The following SYT16 variants were observed in gnomAD, a reference collection of about 807,000 sequenced individuals.
The protein encoded by SYT16 is synaptotagmin-16.
Under a neutral mutation model 61.4 loss-of-function variants are expected in SYT16, and 42 were observed. The observed-to-expected ratio is 0.68, with a 90% CI of 0.53 to 0.89. The LOEUF (loss-of-function observed/expected upper bound fraction) is 0.89. Ranked by LOEUF, SYT16 falls within the 40% of genes least tolerant of loss-of-function variation. SYT16 has a pLI of 0.00. For synonymous variants in SYT16, 314 were observed against 302.3 expected, an observed-to-expected ratio of 1.04 and a Z score of -0.40; for missense variants, 804 against 807.3, an observed-to-expected ratio of 1.00 and a Z score of 0.05.
rs1312783903 is a variant in SYT16 at position 61,812,724 on chromosome 14, G to T, written c.-411G>T. ...CCCCGAGCGCACCGGGCCTGCCGAG[G>T]AGCGCGCGCCCGGCCGGGCTCGGCG... is the stretch of plus-strand genomic sequence containing the variant. On this transcript the variant is annotated 5_prime_UTR_variant, in exon 1 of 8. Transcript: ENST00000683842. 2.0e-5 allele frequency: 3 copies of T among 149,110 alleles called. No individual in the cohort carries two copies. Among genetic ancestry groups the T allele is most frequent in the African/African-American group, 7.3e-5 (3 of 41,110 alleles). 9.2% of individuals were successfully genotyped at this position (149,110 alleles called of 1,614,324 possible). A position where few individuals can be genotyped will look rare whatever the true frequency, so the allele number is the denominator to read the frequency against.
rs2056025768 is a variant in SYT16 at position 62,065,536 on chromosome 14, T to C, written c.524-4067T>C. Among the ~76,000 whole-genome samples, 9 of 152,218 alleles carry C rather than the reference T, an allele frequency of 5.9e-5. No individual in the cohort carries two copies. In the South Asian group the frequency reaches 1.7e-3, roughly 28 times the overall value. On this transcript the variant is annotated intron_variant, in intron 3 of 7. Coordinates refer to ENST00000683842, the MANE Select transcript of SYT16 (RefSeq NM_001367656.1). ...AATCAAGAACCATATACTAATAAATTAGTTGCAATTATTAATTTTATAGAT... is the reference window on the plus strand; with the variant it reads ...AATCAAGAACCATATACTAATAAATCAGTTGCAATTATTAATTTTATAGAT...
At chr14:61,912,031 A>T (rs1199693936) in intron 1 of SYT16, among the ~76,000 whole-genome samples, 1 of 152,208 alleles carries the variant, frequency 6.6e-6, no homozygotes, top group African/African-American at 2.4e-5. Flanking sequence ...GCTGGCAAAA[A>T]TTCAATTGCA....
chr14:62,043,381 A>T (rs531838103), intron 3 of SYT16, among the ~76,000 whole-genome samples: 1 of 150,820 alleles, frequency 6.6e-6, no homozygotes, highest in Non-Finnish European at 1.5e-5. Context: ...TTAAAAAATC[A>T]GGAATGGATG....
intron 3 of SYT16, among the ~76,000 whole-genome samples, chr14:62,001,484 T>C (rs1204466332): frequency 6.6e-6 from 1 of 152,136 alleles, no homozygotes; most frequent in Non-Finnish European, 1.5e-5. Flanking sequence ...TTCTTTCACT[T>C]GGAGCTTTGA....
chr14:61,952,487 G>A, intron 1 of SYT16, among the ~76,000 whole-genome samples: 1 of 152,216 alleles, frequency 6.6e-6, no homozygotes, highest in East Asian at 1.9e-4. Context: ...AGGAGAGCAA[G>A]TTTGCTGATA....
At chr14:61,886,932 T>A (rs1333343010) in intron 1 of SYT16, among the ~76,000 whole-genome samples, 1 of 143,442 alleles carries the variant, frequency 7.0e-6, no homozygotes, top group African/African-American at 2.6e-5. Context: ...GAGAACGGGG[T>A]CTTGCTATAT....
At chr14:62,038,070 G>C (rs2054578733) in intron 3 of SYT16, among the ~76,000 whole-genome samples, 1 of 151,938 alleles carries the variant, frequency 6.6e-6, no homozygotes, top group African/African-American at 2.4e-5. Context: ...TTCCTATCCT[G>C]CCTCCAGGCT....
chr14:61,891,605 G>A (rs2048133453), intron 1 of SYT16, among the ~76,000 whole-genome samples: 1 of 152,162 alleles, frequency 6.6e-6, no homozygotes, highest in South Asian at 2.1e-4. Flanking sequence ...GCAAAAGACA[G>A]AAACAAGGCA....
intron 1 of SYT16, among the ~76,000 whole-genome samples, chr14:61,959,313 CT>C (rs1440875294): frequency 2.6e-5 from 4 of 151,924 alleles, no homozygotes; most frequent in Admixed American, 2.6e-4. Flanking sequence ...TTTTCTGTCT[CT>C]TTTGTAGTTC....
chr14:61,815,703 T>C (rs1270210155), intron 1 of SYT16, among the ~76,000 whole-genome samples: 1 of 152,200 alleles, frequency 6.6e-6, no homozygotes, highest in Non-Finnish European at 1.5e-5. Context: ...CAGTAAGTTA[T>C]CATGAAATCG....
rs2045805614 is a variant in SYT16, at chr14:61,827,373, C to T, written c.-325+14563C>T. On this transcript the variant is annotated intron_variant, in intron 1 of 7. Coordinates refer to ENST00000683842, the MANE Select transcript of SYT16 (RefSeq NM_001367656.1). ...TGCAGAGTGAAGAAAGATGGTGAGA[C>T]TTAGTTTCTGGCTATATCCTTCTCA... Among the ~76,000 whole-genome samples, 5 of 152,210 alleles carry T rather than the reference C, an allele frequency of 3.3e-5. No individual in the cohort carries two copies. In the South Asian group the frequency reaches 1.0e-3, roughly 32 times the overall value.
At position 62,047,446 on chromosome 14, in the gene SYT16, C is replaced by T. The variant is rs953606109; in HGVS notation, c.524-22157C>T. On this transcript the variant is annotated intron_variant, in intron 3 of 7. Transcript: ENST00000683842. The stretch of plus-strand genomic sequence containing the variant: ...CAGGGACAATTTGACTTCCTCTTTT[C>T]CTAATTGAATGCCCGTTATTTCCTT... Among the ~76,000 whole-genome samples, 97 of 152,300 alleles carry T rather than the reference C, an allele frequency of 6.4e-4. 1 individual carries two copies. Among genetic ancestry groups the T allele is most frequent in the Admixed American group, 1.0e-3 (16 of 15,286 alleles).
chr14:61,952,568 G>A (rs1028653754), intron 1 of SYT16, among the ~76,000 whole-genome samples: 31 of 152,184 alleles, frequency 2.0e-4, no homozygotes, highest in African/African-American at 7.5e-4. Context: ...AACATGTAAA[G>A]CAGATAGGTT....
Position 62,098,023 on chromosome 14 carries a change from AGT to A in SYT16, c.1625-2368_1625-2367del, listed in dbSNP as rs532644330. 1.2e-3 allele frequency among the ~76,000 whole-genome samples: 184 copies of A among 152,358 alleles called. 1 individual carries two copies. Among genetic ancestry groups the A allele is most frequent in the African/African-American group, 4.1e-3 (169 of 41,594 alleles). ...GAGAGCCCTGTTTCTGAGACAGAGA[AGT>A]GTTTTCACACCTGAAGTGTAATTTC... On this transcript the variant is annotated intron_variant, in intron 7 of 7. Transcript: ENST00000683842.
chr14:62,024,795 T>C (rs1325885183), intron 3 of SYT16, among the ~76,000 whole-genome samples: 1 of 152,102 alleles, frequency 6.6e-6, no homozygotes, highest in Non-Finnish European at 1.5e-5. Flanking sequence ...TATTCATAAC[T>C]CCCTCCTCAC....
chr14:61,859,897 T>C (rs2140285958), intron 1 of SYT16, among the ~76,000 whole-genome samples: 1 of 152,330 alleles, frequency 6.6e-6, no homozygotes, highest in Non-Finnish European at 1.5e-5. Context: ...AATAATTTTA[T>C]AATTCTTTGT....
At chr14:61,862,038 C>T (rs928169220) in intron 1 of SYT16, among the ~76,000 whole-genome samples, 1 of 152,056 alleles carries the variant, frequency 6.6e-6, no homozygotes, top group Non-Finnish European at 1.5e-5. Flanking sequence ...AAAACACACA[C>T]AATATCTGCA....
At chr14:62,014,382 G>A (rs970003769) in intron 3 of SYT16, among the ~76,000 whole-genome samples, 1 of 151,732 alleles carries the variant, frequency 6.6e-6, no homozygotes, top group Non-Finnish European at 1.5e-5. Flanking sequence ...TATTGATTCC[G>A]TCTCTGCTGC....
chr14:62,045,528 T>G (rs1227077326), intron 3 of SYT16, among the ~76,000 whole-genome samples: 1 of 152,188 alleles, frequency 6.6e-6, no homozygotes, highest in Non-Finnish European at 1.5e-5. Context: ...TGTATACATG[T>G]GCCATGTTGG....
Sources: allele counts gnomAD v4.1 joint callset (sites outside exome capture counted in the v4.1 genomes callset), GRCh38; gene constraint gnomAD v4.1.1; transcripts MANE v1.5; gene names NCBI Gene and HGNC (gene_info 2026-07-23, HGNC 2026-07-21).